The following KIF1C variants were observed in gnomAD, a reference collection of about 807,000 sequenced individuals.
KIF1C encodes kinesin-like protein KIF1C.
In KIF1C, 61 loss-of-function variants were observed where a neutral mutation model predicts 126.5. The ratio of observed to expected loss-of-function variants is 0.48; its 90% CI spans 0.39 to 0.60. The LOEUF (loss-of-function observed/expected upper bound fraction) is 0.60. Ranked by LOEUF, KIF1C falls within the 20% of genes least tolerant of loss-of-function variation. The pLI, the probability that KIF1C is intolerant of heterozygous loss-of-function variation, is 0.00. For synonymous variants in KIF1C, 640 were observed against 580.6 expected, an observed-to-expected ratio of 1.10 and a Z score of -1.47; for missense variants, 1,315 against 1,489.2, an observed-to-expected ratio of 0.88 and a Z score of 1.93.
chr17:5,024,945 T>C lies in KIF1C; in HGVS notation c.*794T>C, dbSNP rs1975182901. On this transcript the variant is annotated 3_prime_UTR_variant, in exon 23 of 23. Coordinates refer to ENST00000320785, the MANE Select transcript of KIF1C (RefSeq NM_006612.6). ...TTTTTTGGGAGACAGGGTCTTGCTT[T>C]GTTGCCCAGGCTGGAGGTACAGTCT... 6.6e-6 allele frequency: 1 copy of C among 152,130 alleles called. No homozygotes were observed. Among genetic ancestry groups the C allele is most frequent in the Non-Finnish European group, 1.5e-5 (1 of 68,052 alleles). 9.4% of individuals were successfully genotyped at this position (152,130 alleles called of 1,614,324 possible). A position where few individuals can be genotyped will look rare whatever the true frequency, so the allele number is the denominator to read the frequency against.
intron 18 of KIF1C, chr17:5,019,450 C>T (rs1567727276): frequency 5.9e-6 from 1 of 168,398 alleles, no homozygotes; most frequent in Non-Finnish European, 1.4e-5. Context: ...AACTGGCAGG[C>T]TCAGTGATTT....
chr17:5,000,827 CT>C lies in KIF1C; in HGVS notation c.163del (p.Ser55ProfsTer53). ...DAPKSFTFDY[S>X]YWSHTSTEDP... ...CCCCCAAAAGCTTCACCTTTGACTACTCCTACTGGTCACACACTTCGGTGGG... is the reference window on the plus strand; with the variant it reads ...CCCCCAAAAGCTTCACCTTTGACTACCCTACTGGTCACACACTTCGGTGGG... On this transcript the variant is annotated frameshift_variant, in exon 4 of 23. Transcript: ENST00000320785. LOFTEE classifies it high-confidence loss of function. 6.2e-7 allele frequency: 1 copy of C among 1,614,052 alleles called. No homozygotes were observed. Among genetic ancestry groups the C allele is most frequent in the Non-Finnish European group, 8.5e-7 (1 of 1,179,960 alleles).
chr17:5,010,568 G>A (rs547263053), intron 16 of KIF1C, among the ~76,000 whole-genome samples: 4 of 151,838 alleles, frequency 2.6e-5, no homozygotes, highest in African/African-American at 9.6e-5. Flanking sequence ...CTAACAAGGT[G>A]AAACCCCATC....
In KIF1C at chr17:5,020,702, C is replaced by G. The variant is rs776566504; in HGVS notation, c.1937+24C>G. 3.2e-5 allele frequency: 51 copies of G among 1,611,784 alleles called. No individual in the cohort carries two copies. The East Asian group carries it at 1.1e-3, about 35-fold the overall frequency. ...AGGTGCGAGGGGGTTACCCACGTGC[C>G]CCATGGCCGTCTAGGCCGTCCCTCC... On this transcript the variant is annotated intron_variant, in intron 20 of 22. Transcript: ENST00000320785. This position sits in a 1 kb window ranked among gnomAD's most constrained non-coding sequence, Gnocchi z 5.8.
intron 17 of KIF1C, chr17:5,014,157 C>A (rs948586187): frequency 5.5e-6 from 1 of 182,148 alleles, no homozygotes; most frequent in Non-Finnish European, 1.1e-5. Context: ...GGCTCGGTGC[C>A]TCCCCTAAAG....
Position 5,002,081 on chromosome 17 carries a change from G to T in KIF1C, c.386G>T (p.Arg129Leu). Residue 129 changes from arginine to leucine, a missense_variant, in exon 6 of 23, where the codon CGC becomes CTC. This residue lies in a region of KIF1C where 874 missense variants were observed against 1,053.2 expected (regional missense o/e 0.83). Transcript: ENST00000320785. ...CAGCTCTGTGAGGACCTCTTCTCTCGCGTTAGTGAGAACCAGAGTGCTCAG... is the reference window on the plus strand; with the variant it reads ...CAGCTCTGTGAGGACCTCTTCTCTCTCGTTAGTGAGAACCAGAGTGCTCAG... ...VPQLCEDLFS[R>L]VSENQSAQLS... is the part of the protein sequence containing the mutation. 6.2e-7 allele frequency: 1 copy of T among 1,614,022 alleles called. No homozygotes were observed. Among genetic ancestry groups the T allele is most frequent in the Non-Finnish European group, 8.5e-7 (1 of 1,179,966 alleles).
At chr17:5,001,500 T>A in intron 5 of KIF1C, 99 bp downstream of exon 5, 4 of 1,190,714 alleles carry the variant, frequency 3.4e-6, no homozygotes, top group South Asian at 1.4e-5. Context: ...AACAGAGACC[T>A]GGCTCTGAGG....
chr17:4,999,207 C>A (rs1296838197), intron 1 of KIF1C, among the ~76,000 whole-genome samples: 1 of 152,210 alleles, frequency 6.6e-6, no homozygotes, highest in African/African-American at 2.4e-5. Flanking sequence ...GATCCCAGTC[C>A]TGGGCCCTAC....
Position 5,001,231 on chromosome 17 carries a change from C to T in KIF1C, c.193C>T (p.Pro65Ser), listed in dbSNP as rs997594436. 3 of 1,613,904 alleles carry T rather than the reference C, an allele frequency of 1.9e-6. No individual in the cohort carries two copies. Among genetic ancestry groups the T allele is most frequent in the Non-Finnish European group, 2.5e-6 (3 of 1,179,964 alleles). Residue 65 changes from proline to serine, a missense_variant, in exon 5 of 23, where the codon CCC becomes TCC. By Grantham distance (74) the Pro-to-Ser change is moderately conservative. This residue lies in a region of KIF1C where 874 missense variants were observed against 1,053.2 expected (regional missense o/e 0.83). Coordinates refer to ENST00000320785, the MANE Select transcript of KIF1C (RefSeq NM_006612.6). ...SYWSHTSTEDPQFASQQQVYR... is the reference protein window; with the variant it reads ...SYWSHTSTEDSQFASQQQVYR... The stretch of plus-strand genomic sequence containing the variant: ...CCCCACTTTCTCCTAGACGGAGGAC[C>T]CCCAGTTTGCATCTCAGCAGCAAGT...
chr17:5,024,107 C>T lies in KIF1C; in HGVS notation c.3268C>T (p.Gln1090Ter). The T allele has an allele frequency of 1.2e-6, 2 of 1,610,778 alleles. No homozygotes were observed. The highest frequency in any genetic ancestry group is 1.7e-6 in the Non-Finnish European group (2 of 1,178,458). The change falls in exon 23 of 23, where the codon CAG becomes TAG. Residue 1090 changes from glutamine to a stop codon, truncating the protein, a stop_gained. Coordinates refer to ENST00000320785, the MANE Select transcript of KIF1C (RefSeq NM_006612.6). LOFTEE classifies it high-confidence loss of function. The part of the protein sequence containing the change: ...PYTTPPRMRR[Q>*]RSAPDLKESG... ...CACTACTCCCCCACGAATGAGACGG[C>T]AGCGTTCTGCCCCTGACCTCAAGGA...
chr17:5,015,261 ATTTCTT>A (rs374416278), intron 18 of KIF1C, among the ~76,000 whole-genome samples: 382 of 151,950 alleles, frequency 2.5e-3, no homozygotes, highest in Admixed American at 4.1e-3. Context: ...GACTGCCGAG[ATTTCTT>A]TTTCTTTTTC....
At chr17:5,004,511 C>G in intron 11 of KIF1C, 56 bp from the exon 12 acceptor site, 2 of 1,537,632 alleles carry the variant, frequency 1.3e-6, no homozygotes, top group Non-Finnish European at 9.0e-7. Flanking sequence ...GTGACCCGGT[C>G]TGACTTTGCT....
chr17:5,016,084 G>A (rs1363099502), intron 18 of KIF1C, among the ~76,000 whole-genome samples: 1 of 151,892 alleles, frequency 6.6e-6, no homozygotes, highest in Non-Finnish European at 1.5e-5. Flanking sequence ...AGACCTAGGA[G>A]TGCTTGGCCT....
At chr17:5,011,195 A>G (rs1974858731) in intron 16 of KIF1C, among the ~76,000 whole-genome samples, 1 of 152,176 alleles carries the variant, frequency 6.6e-6, no homozygotes. Context: ...GCCAGAAGAG[A>G]GAACTGTTAG....
Position 5,000,367 on chromosome 17 carries a change from G to A in KIF1C, c.106+15G>A, listed in dbSNP as rs769051933. 3.8e-5 allele frequency: 59 copies of A among 1,537,462 alleles called. No homozygotes were observed. The highest frequency in any genetic ancestry group is 4.9e-5 in the Non-Finnish European group (56 of 1,132,058). On this transcript the variant is annotated intron_variant, in intron 3 of 22. Coordinates refer to ENST00000320785, the MANE Select transcript of KIF1C (RefSeq NM_006612.6). ...CAACACCACCTGTGAGTGAGTCCCC[G>A]GGGCCTGGCTGGGCACAGGCAGGGA...
chr17:5,003,005 A>G (rs892170382), intron 8 of KIF1C, among the ~76,000 whole-genome samples, 163 bp downstream of exon 8: 3 of 150,574 alleles, frequency 2.0e-5, no homozygotes, highest in African/African-American at 7.3e-5. Flanking sequence ...TTTTTCCGTC[A>G]GATCAGTCTG....
In KIF1C at chr17:5,020,792, C is replaced by T; in HGVS notation, c.1938-14C>T. The T allele has an allele frequency of 6.3e-7, 1 of 1,596,340 alleles. No homozygotes were observed. Among genetic ancestry groups the T allele is most frequent in the Non-Finnish European group, 8.5e-7 (1 of 1,171,048 alleles). ...ACCAAGGTTGCTCTTCCTTCCCTCC[C>T]TGTCCAATCCCAGGCTGCAGGATCT... On this transcript the variant is annotated splice_polypyrimidine_tract_variant and intron_variant, in intron 20 of 22. Coordinates refer to ENST00000320785, the MANE Select transcript of KIF1C (RefSeq NM_006612.6). The surrounding 1 kb of genome is among the most constrained non-coding windows in gnomAD (Gnocchi z 5.8).
rs1266108109 is a variant in KIF1C at position 4,998,114 on chromosome 17, G to C, written c.-191G>C. ...CCGCCTCACGCTTCCCGGAAAGCTT[G>C]TCCCTCTCCGCCGAGCTGCTCCGGG... is the stretch of plus-strand genomic sequence containing the variant. On this transcript the variant is annotated 5_prime_UTR_variant, in exon 1 of 23. Transcript: ENST00000320785. 1 of 152,194 alleles carries C rather than the reference G, an allele frequency of 6.6e-6. No homozygotes were observed. The highest frequency in any genetic ancestry group is 1.5e-5 in the Non-Finnish European group (1 of 68,096). 9.4% of individuals were successfully genotyped at this position (152,194 alleles called of 1,614,324 possible). A position where few individuals can be genotyped will look rare whatever the true frequency, so the allele number is the denominator to read the frequency against.
At chr17:4,998,254 A>G (rs1974440511) in intron 1 of KIF1C, 98 bp downstream of exon 1, 2 of 152,222 alleles carry the variant, frequency 1.3e-5, no homozygotes, top group Non-Finnish European at 2.9e-5. Flanking sequence ...TCTAGGCTCA[A>G]GAGTCGGGAT....
Sources: allele counts gnomAD v4.1 joint callset (sites outside exome capture counted in the v4.1 genomes callset), GRCh38; gene constraint gnomAD v4.1.1; regional missense constraint gnomAD v4.1.1; non-coding constraint Gnocchi (gnomAD v3.1); transcripts MANE v1.5; gene names NCBI Gene and HGNC (gene_info 2026-07-23, HGNC 2026-07-21).